Variants in CGNL1 observed in about 807,000 individuals in gnomAD.
The protein encoded by CGNL1 is cingulin-like protein 1.
In CGNL1, 132 loss-of-function variants were observed where a neutral mutation model predicts 141.2. The observed-to-expected ratio is 0.93, with a 90% CI of 0.81 to 1.08. CGNL1 has a LOEUF of 1.08. Ranked by LOEUF, CGNL1 falls within the 50% of genes least tolerant of loss-of-function variation. The pLI is 0.00. For synonymous variants in CGNL1, 690 were observed against 622.1 expected, an observed-to-expected ratio of 1.11 and a Z score of -1.63; for missense variants, 1,870 against 1,588.6, an observed-to-expected ratio of 1.18 and a Z score of -3.01.
At chr15:57,496,846 A>G (rs2152384205) in intron 8 of CGNL1, among the ~76,000 whole-genome samples, 1 of 152,332 alleles carries the variant, frequency 6.6e-6, no homozygotes, top group South Asian at 2.1e-4. Context: ...AAATGAGCCC[A>G]TACATTCAAG....
At chr15:57,528,055 G>A (rs1316712327) in intron 12 of CGNL1, among the ~76,000 whole-genome samples, 1 of 152,184 alleles carries the variant, frequency 6.6e-6, no homozygotes, top group Non-Finnish European at 1.5e-5. Context: ...TGAGAAGTTC[G>A]AGACCAGCCT....
chr15:57,453,807 G>A lies in CGNL1; in HGVS notation c.2179G>A (p.Ala727Thr). 6.2e-7 allele frequency: 1 copy of A among 1,613,522 alleles called. No homozygotes were observed. Among genetic ancestry groups the A allele is most frequent in the East Asian group, 2.2e-5 (1 of 44,860 alleles). Residue 727 changes from alanine (A) to threonine (T), a missense_variant, in exon 7 of 19, where the codon GCT (alanine) becomes ACT (threonine). Coordinates refer to ENST00000281282, the MANE Select transcript of CGNL1 (RefSeq NM_032866.5). ...AKRSEDREKG[A>T]LIEELLQAKQ... is the part of the protein sequence containing the mutation. ...GCGATCGGAGGACAGGGAGAAGGGA[G>A]CTCTGATTGAGGTAAGCAGGGCTGT...
intron 1 of CGNL1, among the ~76,000 whole-genome samples, chr15:57,383,137 A>G (rs1183769593): frequency 1.3e-5 from 2 of 152,132 alleles, no homozygotes; most frequent in African/African-American, 4.8e-5. Context: ...AGTATCAAAA[A>G]CCTGGAATGT....
intron 8 of CGNL1, among the ~76,000 whole-genome samples, chr15:57,492,426 A>G (rs1300592510): frequency 1.3e-5 from 2 of 152,368 alleles, no homozygotes; most frequent in Middle Eastern, 3.4e-3. Flanking sequence ...TTTGTGAGCA[A>G]TAGATTTGCA....
At chr15:57,530,118 G>A (rs1160088954) in intron 13 of CGNL1, among the ~76,000 whole-genome samples, 1 of 152,224 alleles carries the variant, frequency 6.6e-6, no homozygotes, top group Non-Finnish European at 1.5e-5. Context: ...TGGAGTAATG[G>A]CCCTGGCCGG....
At chr15:57,546,740 T>C (rs2032889416) in intron 18 of CGNL1, among the ~76,000 whole-genome samples, 2 of 152,144 alleles carry the variant, frequency 1.3e-5, no homozygotes, top group African/African-American at 4.8e-5. Context: ...TGGGTTGCTT[T>C]TTCTGCTCTA....
chr15:57,419,075 G>T (rs956898895), intron 1 of CGNL1, among the ~76,000 whole-genome samples: 22 of 152,102 alleles, frequency 1.4e-4, no homozygotes, highest in Non-Finnish European at 5.9e-5. Flanking sequence ...GGGATTACAG[G>T]CATGCGCCAC....
intron 7 of CGNL1, among the ~76,000 whole-genome samples, chr15:57,454,764 C>G (rs975276400): frequency 3.9e-5 from 6 of 152,136 alleles, no homozygotes; most frequent in Non-Finnish European, 7.3e-5. Context: ...CAAATGATTC[C>G]TTAAAAACCA....
At position 57,545,575 on chromosome 15, in the gene CGNL1, T is replaced by G; in HGVS notation, c.3501-17T>G. 6.2e-7 allele frequency: 1 copy of G among 1,606,840 alleles called. No homozygotes were observed. ...ATGGGAGTGAGAGGGTTCTTGGTTC[T>G]GTCTCCCCTCTTCCAGGGATCGGGC... On this transcript the variant is annotated splice_polypyrimidine_tract_variant and intron_variant, in intron 16 of 18. Transcript: ENST00000281282.
chr15:57,383,445 C>A lies in CGNL1; in HGVS notation c.-16+6878C>A, dbSNP rs983664868. Among the ~76,000 whole-genome samples the A allele has an allele frequency of 2.6e-5, 4 of 151,740 alleles. No individual in the cohort carries two copies. The East Asian group carries it at 7.8e-4, about 30-fold the overall frequency. On this transcript the variant is annotated intron_variant, in intron 1 of 18. Transcript: ENST00000281282. Reference sequence around the variant, plus strand: ...TACTGAGTAGCTGGGACTACAGGCACGTGCCACGACGCCCGGCTAATTTTT... The same window carrying A: ...TACTGAGTAGCTGGGACTACAGGCAAGTGCCACGACGCCCGGCTAATTTTT...
At chr15:57,521,909 C>A (rs1344622623) in intron 10 of CGNL1, among the ~76,000 whole-genome samples, 1 of 152,030 alleles carries the variant, frequency 6.6e-6, no homozygotes, top group Non-Finnish European at 1.5e-5. Flanking sequence ...CATTGGGGGC[C>A]CTCTGTATTT....
At position 57,440,601 on chromosome 15, in the gene CGNL1, A is replaced by G. The variant is rs538404663; in HGVS notation, c.1697+130A>G. On this transcript the variant is annotated intron_variant, in intron 3 of 18. Transcript: ENST00000281282. ...CCAGCCGTTGGAGGGTTAAAACTCA[A>G]TGGCTGGGGTTTTCGTGACGGCATT... is the stretch of plus-strand genomic sequence containing the variant. 4.0e-4 allele frequency: 274 copies of G among 691,904 alleles called. 2 individuals are homozygous for G. In the South Asian group the frequency reaches 4.5e-3, roughly 11 times the overall value. The allele number at this position is 691,904 out of a possible 1,614,324, so 42.9% of individuals were successfully genotyped here. A position where few individuals can be genotyped will look rare whatever the true frequency, so the allele number is the denominator to read the frequency against.
chr15:57,423,189 C>G (rs1675467710), intron 1 of CGNL1, among the ~76,000 whole-genome samples: 1 of 152,160 alleles, frequency 6.6e-6, no homozygotes, highest in South Asian at 2.1e-4. Context: ...TCGTGTCACA[C>G]CCTTAGGGGC....
At position 57,546,123 on chromosome 15, in the gene CGNL1, G is replaced by C. The variant is rs2032852641; in HGVS notation, c.3657G>C (p.Glu1219Asp). ...KAMKRQVEEA[E>D]EEIDRLESSK... ...TGAAGCGGCAGGTGGAGGAGGCTGA[G>C]GAGGAAATCGACAGACTGGAAAGTT... Residue 1219 changes from glutamate to aspartate, a missense_variant, in exon 18 of 19, where the codon GAG becomes GAC. Transcript: ENST00000281282. 6.2e-7 allele frequency: 1 copy of C among 1,614,014 alleles called. No individual in the cohort carries two copies. The highest frequency in any genetic ancestry group is 1.3e-5 in the African/African-American group (1 of 75,062).
At chr15:57,465,382 AC>A (rs1424508110) in intron 8 of CGNL1, among the ~76,000 whole-genome samples, 17 of 101,392 alleles carry the variant, frequency 1.7e-4, no homozygotes, top group African/African-American at 6.4e-4. Flanking sequence ...CTAAAAACTG[AC>A]TTTTTTTTTT....
At chr15:57,452,014 TA>T (rs1332005872) in intron 5 of CGNL1, 126 bp from the exon 6 acceptor site, 2 of 736,538 alleles carry the variant, frequency 2.7e-6, no homozygotes, top group East Asian at 5.5e-5. Context: ...CTTAATTATA[TA>T]GTTTGATTAA....
rs116101449 is a variant in CGNL1, at chr15:57,530,541, G to A, written c.3202-1149G>A. On this transcript the variant is annotated intron_variant, in intron 13 of 18. Coordinates refer to ENST00000281282, the MANE Select transcript of CGNL1 (RefSeq NM_032866.5). ...ACATTTTCTGTAAACTCAGGTGGCT[G>A]TTGTATGTAAATGCAGCTCTTGTGG... Among the ~76,000 whole-genome samples, 1,247 of 152,310 alleles carry A rather than the reference G, an allele frequency of 8.2e-3. 23 individuals carry two copies. The highest frequency in any genetic ancestry group is 0.028 in the African/African-American group (1,176 of 41,560).
intron 1 of CGNL1, among the ~76,000 whole-genome samples, chr15:57,378,629 C>T (rs2062393172): frequency 6.6e-6 from 1 of 151,840 alleles, no homozygotes; most frequent in East Asian, 1.9e-4. Flanking sequence ...GTGATCTGCC[C>T]ACCTCGGCCT....
intron 12 of CGNL1, among the ~76,000 whole-genome samples, chr15:57,525,212 A>G (rs2031539129): frequency 6.6e-6 from 1 of 152,254 alleles, no homozygotes; most frequent in Non-Finnish European, 1.5e-5. Context: ...AATGGCGAGT[A>G]AAAGAAATCC....
Sources: allele counts gnomAD v4.1 joint callset (sites outside exome capture counted in the v4.1 genomes callset), GRCh38; gene constraint gnomAD v4.1.1; transcripts MANE v1.5; gene names NCBI Gene and HGNC (gene_info 2026-07-23, HGNC 2026-07-21).